Variants in MAPRE2 observed in about 807,000 individuals in gnomAD.
MAPRE2 encodes the protein microtubule-associated protein RP/EB family member 2.
Under a neutral mutation model 43.2 loss-of-function variants are expected in MAPRE2, and 13 were observed. The ratio of observed to expected loss-of-function variants is 0.30; its 90% CI spans 0.20 to 0.48. The LOEUF is 0.48. Among genes scored for constraint, MAPRE2 ranks in the 20% least tolerant of loss-of-function variants. The probability of loss-of-function intolerance (pLI) is 0.99; values close to 1 mark genes in which losing one functional copy is unlikely to be tolerated. For synonymous variants in MAPRE2, 135 were observed against 148.8 expected (o/e 0.91, Z 0.68); for missense variants, 161 against 400.2 (o/e 0.40, Z 5.10).
At chr18:35,002,721 A>C (rs1341521486) in intron 1 of MAPRE2, among the ~76,000 whole-genome samples, 1 of 152,114 alleles carries the variant, frequency 6.6e-6, no homozygotes, top group Non-Finnish European at 1.5e-5. Context: ...TCTTCAGTTA[A>C]ATGTCTGTTC....
In MAPRE2 at chr18:35,041,420, C is replaced by T; in HGVS notation, c.-120C>T. The T allele has an allele frequency of 6.4e-7, 1 of 1,563,076 alleles. No individual in the cohort carries two copies. The highest frequency in any genetic ancestry group is 8.7e-7 in the Non-Finnish European group (1 of 1,155,758). ...GGCGCGAGCGAGAGCTGGGAGAAGGCAGTGAGCGAGCAGGCGGCAGGCACG... is the reference window on the plus strand; with the variant it reads ...GGCGCGAGCGAGAGCTGGGAGAAGGTAGTGAGCGAGCAGGCGGCAGGCACG... On this transcript the variant is annotated 5_prime_UTR_variant, in exon 1 of 7. Coordinates refer to ENST00000300249, the MANE Select transcript of MAPRE2 (RefSeq NM_014268.4).
intron 1 of MAPRE2, chr18:34,978,671 C>T (rs1169762165): frequency 1.2e-6 from 1 of 826,918 alleles, no homozygotes; most frequent in East Asian, 2.7e-5. Flanking sequence ...TGCTTCCTTA[C>T]TTTGCTTTCG....
At chr18:35,002,075 C>T (rs559653157) in intron 1 of MAPRE2, among the ~76,000 whole-genome samples, 1 of 152,278 alleles carries the variant, frequency 6.6e-6, no homozygotes, top group East Asian at 1.9e-4. Flanking sequence ...TTTATAATCA[C>T]ACTCATTTCC....
At chr18:35,137,973 T>C (rs1274637075) in intron 6 of MAPRE2, among the ~76,000 whole-genome samples, 1 of 152,210 alleles carries the variant, frequency 6.6e-6, no homozygotes, top group Admixed American at 6.5e-5. Context: ...CTCCCTTGGA[T>C]GAGAGGAGAG....
chr18:35,109,389 G>C (rs1909066164), intron 4 of MAPRE2, among the ~76,000 whole-genome samples: 1 of 152,190 alleles, frequency 6.6e-6, no homozygotes, highest in Non-Finnish European at 1.5e-5. Context: ...GTCAGGTAGT[G>C]TGATGCCTCC....
At chr18:35,065,746 AT>A (rs1906806179) in intron 1 of MAPRE2, among the ~76,000 whole-genome samples, 1 of 151,826 alleles carries the variant, frequency 6.6e-6, no homozygotes, top group Non-Finnish European at 1.5e-5. Context: ...TAGAGACAGG[AT>A]TTCGCCATGT....
chr18:35,133,775 G>A, intron 6 of MAPRE2, among the ~76,000 whole-genome samples: 1 of 152,194 alleles, frequency 6.6e-6, no homozygotes, highest in East Asian at 1.9e-4. Flanking sequence ...GAGGTCCACT[G>A]AATTCCCGGC....
chr18:35,036,938 C>G (rs2097050881), upstream of MAPRE2, among the ~76,000 whole-genome samples: 1 of 152,138 alleles, frequency 6.6e-6, no homozygotes, highest in Admixed American at 6.5e-5. Context: ...AGAAAATGAA[C>G]TATAAAGAAA....
At chr18:35,033,129 C>A (rs910756309) in intron 2 of MAPRE2, among the ~76,000 whole-genome samples, 1 of 152,124 alleles carries the variant, frequency 6.6e-6, no homozygotes, top group African/African-American at 2.4e-5. Context: ...TACTGGCAAA[C>A]TGAATCCAGC....
intron 1 of MAPRE2, among the ~76,000 whole-genome samples, chr18:34,985,695 G>A (rs1191149872): frequency 8.4e-6 from 1 of 118,426 alleles, no homozygotes; most frequent in Admixed American, 1.1e-4. Flanking sequence ...TATATAATAT[G>A]TGATATATAA....
At chr18:35,012,826 G>A (rs1197667684) in intron 2 of MAPRE2, among the ~76,000 whole-genome samples, 1 of 152,172 alleles carries the variant, frequency 6.6e-6, no homozygotes, top group African/African-American at 2.4e-5. Flanking sequence ...GGATGGTGGT[G>A]ATGGTTGAAC....
chr18:34,981,870 T>TA (rs2097016405), intron 1 of MAPRE2, among the ~76,000 whole-genome samples: 1 of 39,640 alleles, frequency 2.5e-5, no homozygotes, highest in African/African-American at 5.7e-5. Flanking sequence ...ATTTATTTTT[T>TA]TTTTTTATTT....
Position 35,141,926 on chromosome 18 carries a change from C to A in MAPRE2, c.*1557C>A, listed in dbSNP as rs1487530423. 1 of 149,944 alleles carries A rather than the reference C, an allele frequency of 6.7e-6. No individual in the cohort carries two copies. The highest frequency in any genetic ancestry group is 2.5e-5 in the African/African-American group (1 of 40,498). 9.3% of individuals were successfully genotyped at this position (149,944 alleles called of 1,614,324 possible). A position where few individuals can be genotyped will look rare whatever the true frequency, so the allele number is the denominator to read the frequency against. ...AAATTCTAGCATTGAAGCTTTTCAC[C>A]AAAAGAAGTCTCTCCAAAATAAATC... On this transcript the variant is annotated 3_prime_UTR_variant, in exon 7 of 7. Transcript: ENST00000300249.
intron 6 of MAPRE2, among the ~76,000 whole-genome samples, chr18:35,138,840 T>A (rs978180435): frequency 6.6e-6 from 1 of 152,132 alleles, no homozygotes; most frequent in Non-Finnish European, 1.5e-5. Flanking sequence ...GAGTCCATGT[T>A]GTAACCTTGA....
At chr18:35,035,753 C>T (rs180923404) in intron 2 of MAPRE2, among the ~76,000 whole-genome samples, 1 of 149,292 alleles carries the variant, frequency 6.7e-6, no homozygotes, top group Admixed American at 6.8e-5. Context: ...TGAAATCACT[C>T]CTTCCTGTGA....
intron 1 of MAPRE2, among the ~76,000 whole-genome samples, chr18:34,998,263 T>C (rs2097027493): frequency 6.6e-6 from 1 of 151,904 alleles, no homozygotes; most frequent in African/African-American, 2.4e-5. Context: ...GGACGGAGGC[T>C]ATGCTAACAT....
Position 35,089,691 on chromosome 18 carries a change from G to T in MAPRE2, c.251-7755G>T, listed in dbSNP as rs182460146. 2.8e-4 allele frequency among the ~76,000 whole-genome samples: 43 copies of T among 152,298 alleles called. No homozygotes were observed. In the East Asian group the frequency reaches 8.1e-3, roughly 29 times the overall value. ...GTGGAGCCCTCATCTGTTGCTGGTA[G>T]AAATATAAAATAGTACACCTGCTTT... On this transcript the variant is annotated intron_variant, in intron 2 of 6. Transcript: ENST00000300249.
chr18:35,043,133 T>G (rs770353556), intron 1 of MAPRE2, among the ~76,000 whole-genome samples: 1 of 152,244 alleles, frequency 6.6e-6, no homozygotes, highest in Non-Finnish European at 1.5e-5. Flanking sequence ...TCTGGAGATA[T>G]CCTTTCAGAG....
At chr18:35,112,451 G>A (rs539078639) in intron 4 of MAPRE2, among the ~76,000 whole-genome samples, 5 of 152,156 alleles carry the variant, frequency 3.3e-5, no homozygotes, top group South Asian at 2.1e-4. Context: ...GATTACAGGC[G>A]TGAGCTACCA....
Sources: allele counts gnomAD v4.1 joint callset (sites outside exome capture counted in the v4.1 genomes callset), GRCh38; gene constraint gnomAD v4.1.1; transcripts MANE v1.5; gene names NCBI Gene and HGNC (gene_info 2026-07-23, HGNC 2026-07-21).